Variants in SPTBN2 observed in about 807,000 individuals in gnomAD.
The protein encoded by SPTBN2 is spectrin beta, non-erythrocytic 2.
In SPTBN2, 107 loss-of-function variants were observed where a neutral mutation model predicts 284.2. The observed-to-expected ratio is 0.38, with a 90% CI of 0.32 to 0.44. The LOEUF (loss-of-function observed/expected upper bound fraction) is 0.44. Ranked by LOEUF, SPTBN2 falls within the 20% of genes least tolerant of loss-of-function variation. The pLI is 1.00. For synonymous variants in SPTBN2, 1,289 were observed against 1,354.8 expected (o/e 0.95, Z 1.07); for missense variants, 2,569 against 3,287.1 (o/e 0.78, Z 5.34).
intron 1 of SPTBN2, among the ~76,000 whole-genome samples, chr11:66,742,493 T>C (rs1942902509): frequency 6.6e-6 from 1 of 152,156 alleles, no homozygotes; most frequent in Non-Finnish European, 1.5e-5. Context: ...GGACAAGGGC[T>C]GAAAGCTAGA....
At position 66,687,878 on chromosome 11, in the gene SPTBN2, G is replaced by C. The variant is rs756622530; in HGVS notation, c.6491C>G (p.Pro2164Arg). ...GQQRLEHSSFPEGPGPGSGDE... is the reference protein window; with the variant it reads ...GQQRLEHSSFREGPGPGSGDE... The stretch of plus-strand genomic sequence containing the variant: ...TGCAGGGGAACTCACCGGCCCTTCG[G>C]GGAAGCTGCTGTGCTCAAGTCTCTG... The change falls in exon 34 of 38, where the codon CCC becomes CGC. Residue 2164 changes from proline to arginine, a missense_variant. Transcript: ENST00000533211. This position sits in a 1 kb window ranked among gnomAD's most constrained non-coding sequence, Gnocchi z 5.2. 1.9e-6 allele frequency: 3 copies of C among 1,614,154 alleles called. No homozygotes were observed. Among genetic ancestry groups the C allele is most frequent in the East Asian group, 4.5e-5 (2 of 44,882 alleles).
chr11:66,689,842 T>G lies in SPTBN2; in HGVS notation c.5912A>C (p.Lys1971Thr). 3.1e-6 allele frequency: 5 copies of G among 1,614,104 alleles called. No individual in the cohort carries two copies. Among genetic ancestry groups the G allele is most frequent in the Non-Finnish European group, 4.2e-6 (5 of 1,180,028 alleles). Residue 1971 changes from lysine to threonine, a missense_variant, in exon 29 of 38, where the codon AAG becomes ACG. By Grantham distance (78) the Lys-to-Thr change is moderately conservative. Around this residue, in one of 6 missense-constraint regions of SPTBN2, gnomAD observed 1,130 missense variants for 1,317.3 expected, o/e 0.86. Coordinates refer to ENST00000533211, the MANE Select transcript of SPTBN2 (RefSeq NM_006946.4). ...DRFSSCIDMGKELLARSHYAA... is the reference protein window; with the variant it reads ...DRFSSCIDMGTELLARSHYAA... ...ATAGTGGCTCCTGGCCAGCAGCTCC[T>G]TCCCCATGTCGATGCAGGAGGAGAA...
chr11:66,705,395 G>A lies in SPTBN2; in HGVS notation c.1881C>T (p.Cys627=), dbSNP rs146859515. ...AKLEQSYEAL[C]ELAAARRARL... ...GGGCCCGCCGCGCCGCTGCCAACTCGCACAGTGCCTCATAGCTCTGCTCTA... is the reference window on the plus strand; with the variant it reads ...GGGCCCGCCGCGCCGCTGCCAACTCACACAGTGCCTCATAGCTCTGCTCTA... Residue 627 remains cysteine, a synonymous_variant, in exon 15 of 38, where the codon TGC becomes TGT. Transcript: ENST00000533211. The A allele has an allele frequency of 1.1e-5, 17 of 1,612,882 alleles. No individual in the cohort carries two copies. The highest frequency in any genetic ancestry group is 1.6e-4 in the Middle Eastern group (1 of 6,062).
In SPTBN2 at chr11:66,715,159, G is replaced by A. The variant is rs758281821; in HGVS notation, c.483+63C>T. 1.2e-5 allele frequency: 19 copies of A among 1,598,030 alleles called. No individual in the cohort carries two copies. Among genetic ancestry groups the A allele is most frequent in the African/African-American group, 4.0e-5 (3 of 74,560 alleles). Reference sequence around the variant, plus strand: ...TGTTTGTTGTGTCATGGGCCAGCAGGAACGGCTTGCGGTGCAGAGCCAGGG... The same window carrying A: ...TGTTTGTTGTGTCATGGGCCAGCAGAAACGGCTTGCGGTGCAGAGCCAGGG... On this transcript the variant is annotated intron_variant, in intron 5 of 37. Coordinates refer to ENST00000533211, the MANE Select transcript of SPTBN2 (RefSeq NM_006946.4). The surrounding 1 kb of genome is among the most constrained non-coding windows in gnomAD (Gnocchi z 5.3).
chr11:66,739,470 A>T (rs1942880002), intron 1 of SPTBN2, among the ~76,000 whole-genome samples: 1 of 152,248 alleles, frequency 6.6e-6, no homozygotes, highest in Non-Finnish European at 1.5e-5. Flanking sequence ...AATAATGTCT[A>T]TGAAACAATC....
intron 10 of SPTBN2, among the ~76,000 whole-genome samples, chr11:66,709,739 A>G (rs1317892121): frequency 1.3e-5 from 2 of 152,256 alleles, no homozygotes; most frequent in Non-Finnish European, 1.5e-5. Flanking sequence ...TTAGTTTCAG[A>G]GCTGATATAT....
At chr11:66,709,427 C>A (rs898539429) in intron 10 of SPTBN2, among the ~76,000 whole-genome samples, 2 of 152,236 alleles carry the variant, frequency 1.3e-5, no homozygotes, top group African/African-American at 4.8e-5. Context: ...ATCCACCCGC[C>A]TCAGTCTCCC....
chr11:66,702,867 G>A (rs1326861394), intron 15 of SPTBN2, among the ~76,000 whole-genome samples: 25 of 149,588 alleles, frequency 1.7e-4, no homozygotes, highest in Non-Finnish European at 1.3e-4. Context: ...GAACCCGGGC[G>A]GCGGAGCTTG....
intron 31 of SPTBN2, 96 bp from the exon 32 acceptor site, chr11:66,688,407 AATATG>A: frequency 1.3e-6 from 2 of 1,539,734 alleles, no homozygotes; most frequent in Non-Finnish European, 1.7e-6. Context: ...AATTTGATGA[AATATG>A]ATAAGAGGAG....
Position 66,688,752 on chromosome 11 carries a change from C to T in SPTBN2, c.6132G>A (p.Thr2044=), listed in dbSNP as rs754538137. Residue 2044 remains threonine, a synonymous_variant, in exon 31 of 38, where the codon ACG becomes ACA. Transcript: ENST00000533211. ...TGATGAGGCTCTCAACTTCGTCGAC[C>T]GTGCAACCCAGCTCAGCGCTGCGCA... ...PLVRSAELGC[T]VDEVESLIKR... is the part of the protein sequence containing the mutation. The T allele has an allele frequency of 6.2e-6, 10 of 1,613,558 alleles. No homozygotes were observed. Among genetic ancestry groups the T allele is most frequent in the East Asian group, 4.5e-5 (2 of 44,878 alleles).
upstream of SPTBN2, among the ~76,000 whole-genome samples, chr11:66,734,110 C>T (rs952326683): frequency 3.4e-5 from 5 of 149,202 alleles, no homozygotes; most frequent in African/African-American, 5.1e-5. Flanking sequence ...AAATTTTCTT[C>T]TTTTGTTATG....
rs1939877741 is a variant in SPTBN2, at chr11:66,682,904, A to G, written c.*2967T>C. 6.6e-6 allele frequency among the ~76,000 whole-genome samples: 1 copy of G among 151,736 alleles called. No homozygotes were observed. The highest frequency in any genetic ancestry group is 2.1e-4 in the South Asian group (1 of 4,796). On this transcript the variant is annotated 3_prime_UTR_variant, in exon 38 of 38. Coordinates refer to ENST00000533211, the MANE Select transcript of SPTBN2 (RefSeq NM_006946.4). ...CAGCCTCCCAAGTAGCTGAGACTAC[A>G]GGCACATGCCACTACACCTGGCTAA... is the stretch of plus-strand genomic sequence containing the variant.
At chr11:66,704,543 G>GCCCCCCCCCCCCC in intron 15 of SPTBN2, 55 bp downstream of exon 15, 7 of 1,550,552 alleles carry the variant, frequency 4.5e-6, no homozygotes, top group South Asian at 1.2e-5. Context: ...CCACATCCTG[G>GCCCCCCCCCCCCC]CCCCCCCACC....
Position 66,704,816 on chromosome 11 carries a change from C to T in SPTBN2, c.2460G>A (p.Thr820=), listed in dbSNP as rs776096922. The change falls in exon 15 of 38, where the codon ACG becomes ACA. Residue 820 remains threonine, a synonymous_variant. Transcript: ENST00000533211. ...AAALPPTLSR[T]PEVQSRVPTL... is the part of the protein sequence containing the mutation. ...TGGGCACCCGGCTCTGCACCTCGGG[C>T]GTGCGGCTCAGTGTGGGGGGCAGGG... is the stretch of plus-strand genomic sequence containing the variant. The T allele has an allele frequency of 4.4e-6, 7 of 1,606,240 alleles. No homozygotes were observed. In the East Asian group the frequency reaches 8.9e-5, roughly 20 times the overall value.
chr11:66,699,119 C>T (rs375448291), intron 18 of SPTBN2, 37 bp from the exon 19 acceptor site: 13 of 1,612,732 alleles, frequency 8.1e-6, no homozygotes, highest in Non-Finnish European at 9.3e-6. Flanking sequence ...CTGGAATTTG[C>T]TGTGAAAGGA....
At chr11:66,698,554 A>G in intron 20 of SPTBN2, 85 bp downstream of exon 20, 1 of 1,603,878 alleles carries the variant, frequency 6.2e-7, no homozygotes, top group South Asian at 1.1e-5. Context: ...ATCTCTAACC[A>G]TGACAAAAAC....
At chr11:66,706,624 CCTAG>C (rs1455293684) in intron 13 of SPTBN2, among the ~76,000 whole-genome samples, 3 of 150,164 alleles carry the variant, frequency 2.0e-5, no homozygotes, top group Non-Finnish European at 3.0e-5. Context: ...AGCCACCTTG[CCTAG>C]CTGCTTTTTT....
At chr11:66,706,184 G>GC (rs1178772501) in intron 13 of SPTBN2, among the ~76,000 whole-genome samples, 2 of 152,256 alleles carry the variant, frequency 1.3e-5, no homozygotes, top group African/African-American at 4.8e-5. Context: ...CCTAGCCGCT[G>GC]CCCGCCTGGA....
chr11:66,690,525 G>A (rs1940470119), intron 27 of SPTBN2, among the ~76,000 whole-genome samples: 1 of 152,214 alleles, frequency 6.6e-6, no homozygotes, highest in Admixed American at 6.5e-5. Context: ...CCATTGGCCA[G>A]TTGAACTTTC....
Sources: gnomAD v4.1 joint callset for allele counts (sites outside exome capture counted in the v4.1 genomes callset) on GRCh38, gnomAD v4.1.1 for gene constraint, gnomAD v4.1.1 regional missense constraint, Gnocchi (gnomAD v3.1) non-coding constraint, MANE v1.5 for transcripts, NCBI Gene and HGNC (gene_info 2026-07-23, HGNC 2026-07-21) for gene names.